KIAA1549: variants seen among roughly 807,000 people sequenced by gnomAD.
KIAA1549 encodes UPF0606 protein KIAA1549.
KIAA1549 carries 70 observed loss-of-function variants against 156.4 expected under a neutral mutation model. The ratio of observed to expected loss-of-function variants is 0.45; its 90% CI spans 0.37 to 0.55. The LOEUF is 0.55. Among genes scored for constraint, KIAA1549 ranks in the 20% least tolerant of loss-of-function variants. The probability of loss-of-function intolerance (pLI) is 0.00; values close to 1 mark genes in which losing one functional copy is unlikely to be tolerated. For synonymous variants in KIAA1549, 1,103 were observed against 1,066.4 expected (o/e 1.03, Z -0.67); for missense variants, 2,428 against 2,540.9 (o/e 0.96, Z 0.96).
intron 1 of KIAA1549, among the ~76,000 whole-genome samples, chr7:138,978,624 A>G (rs1386155806): frequency 6.6e-6 from 1 of 152,252 alleles, no homozygotes; most frequent in Non-Finnish European, 1.5e-5. Flanking sequence ...TAACAAGAGA[A>G]GCCAGCTGAA....
At chr7:138,973,977 A>T (rs117650740) in intron 1 of KIAA1549, among the ~76,000 whole-genome samples, 93 of 152,378 alleles carry the variant, frequency 6.1e-4, no homozygotes, top group Non-Finnish European at 1.1e-3. Context: ...TCTGGGATAG[A>T]TTAAAAATCA....
At chr7:138,953,975 T>G (rs1813581350) in intron 1 of KIAA1549, among the ~76,000 whole-genome samples, 1 of 152,222 alleles carries the variant, frequency 6.6e-6, no homozygotes, top group African/African-American at 2.4e-5. Context: ...TGCATCACAC[T>G]GTTGATGGTA....
At chr7:138,928,689 T>C (rs6976406) in intron 1 of KIAA1549, among the ~76,000 whole-genome samples, 2 of 152,046 alleles carry the variant, frequency 1.3e-5, no homozygotes, top group Non-Finnish European at 2.9e-5. Context: ...CAAATTTTTT[T>C]GTTTCCCAGT....
At position 138,906,967 on chromosome 7, in the gene KIAA1549, C is replaced by T; in HGVS notation, c.3412G>A (p.Val1138Met). ...VSELLRNLSV[V>M]EFSFYLGYPV... Reference sequence around the variant, plus strand: ...TATCCCAGATAGAAACTGAACTCCACCACACTCAAGTTTCTGAGCAGCTCG... The same window carrying T: ...TATCCCAGATAGAAACTGAACTCCATCACACTCAAGTTTCTGAGCAGCTCG... Residue 1138 changes from valine to methionine, a missense_variant, in exon 6 of 20, where the codon GTG (valine) becomes ATG (methionine). Val to Met is a conservative substitution (Grantham distance 21, BLOSUM62 1). Around this residue, in one of 5 missense-constraint regions of KIAA1549, gnomAD observed 762 missense variants for 901.6 expected, o/e 0.85. Transcript: ENST00000422774. 6.2e-7 allele frequency: 1 copy of T among 1,612,862 alleles called. No individual in the cohort carries two copies. The highest frequency in any genetic ancestry group is 1.7e-5 in the Admixed American group (1 of 59,790).
intron 10 of KIAA1549, among the ~76,000 whole-genome samples, chr7:138,890,134 C>T (rs1811506644): frequency 6.6e-6 from 1 of 152,210 alleles, no homozygotes; most frequent in African/African-American, 2.4e-5. Flanking sequence ...GCCACAGTGT[C>T]TGTGCCCCAC....
At chr7:138,891,932 T>C (rs1443448245) in intron 10 of KIAA1549, among the ~76,000 whole-genome samples, 2 of 152,192 alleles carry the variant, frequency 1.3e-5, no homozygotes, top group Non-Finnish European at 2.9e-5. Context: ...AATGAAGAGA[T>C]CATTTTCCCA....
In KIAA1549 at chr7:138,875,499, T is replaced by C. The variant is rs192475900; in HGVS notation, c.4345+4039A>G. The stretch of plus-strand genomic sequence containing the variant: ...GTCTCTACAAAAAGTAAATAAAAAG[T>C]TAGCTGGGCGTGGTATGCTCCTGTA... On this transcript the variant is annotated intron_variant, in intron 12 of 19. Coordinates refer to ENST00000422774, the MANE Select transcript of KIAA1549 (RefSeq NM_001164665.2). 3.6e-4 allele frequency among the ~76,000 whole-genome samples: 55 copies of C among 151,926 alleles called. 1 individual carries two copies. The highest frequency in any genetic ancestry group is 1.7e-3 in the South Asian group (8 of 4,796).
rs773083708 is a variant in KIAA1549, at chr7:138,916,755, G to T, written c.2871C>A (p.Ile957=). The change falls in exon 2 of 20, where the codon ATC becomes ATA. Residue 957 remains isoleucine (I), a synonymous_variant. Transcript: ENST00000422774. ...CDITVPDAYL[I]TTVLARRAVQ... ...CAGGAAGCTGGGCCTTACCAGTTGT[G>T]ATCAGATAGGCATCGGGGACTGTGA... is the stretch of plus-strand genomic sequence containing the variant. 11 of 1,613,682 alleles carry T rather than the reference G, an allele frequency of 6.8e-6. No individual in the cohort carries two copies. Among genetic ancestry groups the T allele is most frequent in the Middle Eastern group, 1.6e-4 (1 of 6,082 alleles).
At chr7:138,901,939 G>C (rs1448459320) in intron 8 of KIAA1549, among the ~76,000 whole-genome samples, 1 of 144,962 alleles carries the variant, frequency 6.9e-6, no homozygotes, top group Non-Finnish European at 1.5e-5. Context: ...TACTAAGAGA[G>C]CTTGCATGTC....
intron 2 of KIAA1549, 85 bp downstream of exon 2, chr7:138,916,663 G>C: frequency 6.5e-7 from 1 of 1,548,790 alleles, no homozygotes; most frequent in East Asian, 2.4e-5. Flanking sequence ...TCTTAACCAT[G>C]AAGCTCCAAG....
intron 10 of KIAA1549, among the ~76,000 whole-genome samples, chr7:138,887,780 A>G (rs1014582966): frequency 6.6e-6 from 1 of 152,232 alleles, no homozygotes; most frequent in African/African-American, 2.4e-5. Flanking sequence ...TAAAGAACTG[A>G]GAGAGAAATA....
Position 138,881,591 on chromosome 7 carries a change from CAT to C in KIAA1549, c.4033-9_4033-8del, listed in dbSNP as rs750350878. ...TCACACTAGGGATCTGCAGCTGAAA[CAT>C]ACACACACACAAACAAGATTGTTAA... On this transcript the variant is annotated splice_region_variant and splice_polypyrimidine_tract_variant and intron_variant, in intron 10 of 19. Transcript: ENST00000422774. The C allele has an allele frequency of 4.6e-5, 74 of 1,607,678 alleles. 1 individual carries two copies. Among genetic ancestry groups the C allele is most frequent in the South Asian group, 8.8e-5 (8 of 90,422 alleles).
intron 17 of KIAA1549, among the ~76,000 whole-genome samples, chr7:138,845,830 T>A (rs911353469): frequency 2.6e-5 from 4 of 152,226 alleles, no homozygotes; most frequent in African/African-American, 9.6e-5. Context: ...CAACAAATAC[T>A]GGCAGTTGTT....
Position 138,899,038 on chromosome 7 carries a change from T to A in KIAA1549, c.3764A>T (p.Lys1255Met). The change falls in exon 9 of 20, where the codon AAG (lysine) becomes ATG (methionine). Residue 1255 changes from lysine (K) to methionine (M), a missense_variant. This residue lies in a region of KIAA1549 where 762 missense variants were observed against 901.6 expected (regional missense o/e 0.85). Coordinates refer to ENST00000422774, the MANE Select transcript of KIAA1549 (RefSeq NM_001164665.2). ...CATTTTGTTAATCAGGTCCGAAGAC[T>A]TGACTGCACTGAGTCTTTCTCCATC... ...DQDGERLSAV[K>M]SSDLINKMDL... 1 of 1,613,782 alleles carries A rather than the reference T, an allele frequency of 6.2e-7. No individual in the cohort carries two copies. Among genetic ancestry groups the A allele is most frequent in the Non-Finnish European group, 8.5e-7 (1 of 1,179,692 alleles).
At chr7:138,896,265 AG>A (rs1811681594) in intron 9 of KIAA1549, among the ~76,000 whole-genome samples, 1 of 152,206 alleles carries the variant, frequency 6.6e-6, no homozygotes, top group Non-Finnish European at 1.5e-5. Context: ...TGGGATCAAA[AG>A]GTATCTGCTC....
intron 8 of KIAA1549, among the ~76,000 whole-genome samples, chr7:138,900,395 G>C (rs1811807770): frequency 6.6e-6 from 1 of 152,188 alleles, no homozygotes; most frequent in Non-Finnish European, 1.5e-5. Flanking sequence ...CTACTGAAAA[G>C]GAAGTAGATT....
intron 10 of KIAA1549, 28 bp from the exon 11 acceptor site, chr7:138,881,612 T>G (rs752420163): frequency 6.3e-7 from 1 of 1,589,540 alleles, no homozygotes; most frequent in Non-Finnish European, 8.6e-7. Flanking sequence ...ACAAACAAGA[T>G]TGTTAACCCG....
rs1290949970 is a variant in KIAA1549 at position 138,961,601 on chromosome 7, C to T, written c.187+19482G>A. On this transcript the variant is annotated intron_variant, in intron 1 of 19. Coordinates refer to ENST00000422774, the MANE Select transcript of KIAA1549 (RefSeq NM_001164665.2). ...TTCCTTCTTCTGTGATCCACAGATA[C>T]TATAATTATAAACTACTTTTTTCAT... Among the ~76,000 whole-genome samples the T allele has an allele frequency of 2.0e-5, 3 of 152,208 alleles. No homozygotes were observed. In the East Asian group the frequency reaches 5.8e-4, roughly 29 times the overall value.
intron 7 of KIAA1549, 124 bp from the exon 8 acceptor site, chr7:138,903,860 CGCGCGCGCGCACA>C: frequency 1.6e-6 from 1 of 628,456 alleles, no homozygotes; most frequent in South Asian, 2.1e-5. Flanking sequence ...TGTGCGCGCG[CGCGCGCGCGCACA>C]TATGTATTTG....
Sources: gnomAD v4.1 joint callset for allele counts (sites outside exome capture counted in the v4.1 genomes callset) on GRCh38, gnomAD v4.1.1 for gene constraint, gnomAD v4.1.1 regional missense constraint, MANE v1.5 for transcripts, NCBI Gene and HGNC (gene_info 2026-07-23, HGNC 2026-07-21) for gene names.